OSBP2: variants seen among roughly 807,000 people sequenced by gnomAD.
The protein encoded by OSBP2 is oxysterol binding protein 2.
Under a neutral mutation model 96.0 loss-of-function variants are expected in OSBP2, and 66 were observed. The ratio of observed to expected loss-of-function variants is 0.69; its 90% CI spans 0.56 to 0.84. The LOEUF is 0.84. Ranked by LOEUF, OSBP2 falls within the 40% of genes least tolerant of loss-of-function variation. The pLI is 0.00. For synonymous variants in OSBP2, 525 were observed against 520.9 expected, an observed-to-expected ratio of 1.01 and a Z score of -0.11; for missense variants, 1,038 against 1,222.7, an observed-to-expected ratio of 0.85 and a Z score of 2.25.
chr22:30,828,540 G>A (rs1370416416), intron 2 of OSBP2, among the ~76,000 whole-genome samples: 1 of 152,238 alleles, frequency 6.6e-6, no homozygotes, highest in Non-Finnish European at 1.5e-5. Context: ...CAGAGCTTGA[G>A]GCATGCAGGA....
rs116411881 is a variant in OSBP2 at position 30,849,930 on chromosome 22, G to A, written c.854-20499G>A. On this transcript the variant is annotated intron_variant, in intron 2 of 13. Transcript: ENST00000332585. ...TTGTCAAGGTTACTTTTTGCCATAT[G>A]TATATTTAGTTGTTCAAGTACTATT... 4.8e-3 allele frequency among the ~76,000 whole-genome samples: 727 copies of A among 152,258 alleles called. 7 individuals carry two copies. The highest frequency in any genetic ancestry group is 0.017 in the African/African-American group (702 of 41,554).
At chr22:30,896,047 T>A (rs1280223490) in intron 12 of OSBP2, among the ~76,000 whole-genome samples, 19 of 151,156 alleles carry the variant, frequency 1.3e-4, no homozygotes, top group Non-Finnish European at 8.9e-5. Flanking sequence ...TGAGATGGAG[T>A]CTCACTCTGT....
intron 2 of OSBP2, among the ~76,000 whole-genome samples, chr22:30,863,482 T>A (rs982304577): frequency 1.3e-5 from 2 of 152,184 alleles, no homozygotes; most frequent in African/African-American, 4.8e-5. Flanking sequence ...ATAGCCAGAC[T>A]GTGACAAAAT....
chr22:30,705,303 T>C (rs2089234649), intron 1 of OSBP2, among the ~76,000 whole-genome samples: 1 of 152,032 alleles, frequency 6.6e-6, no homozygotes, highest in African/African-American at 2.4e-5. Context: ...GTTGTTGTTG[T>C]TGTTGTTGAG....
rs994106827 is a variant in OSBP2 at position 30,725,933 on chromosome 22, C to G, written c.645-15228C>G. Among the ~76,000 whole-genome samples, 3 of 152,130 alleles carry G rather than the reference C, an allele frequency of 2.0e-5. No individual in the cohort carries two copies. In the East Asian group the frequency reaches 5.8e-4, roughly 29 times the overall value. ...TAGCTGGGATTACAGGTGTGCACCA[C>G]CACGCCTGGCTGATTTTTGTATTTT... On this transcript the variant is annotated intron_variant, in intron 1 of 13. Transcript: ENST00000332585.
At chr22:30,885,503 G>A (rs2147144078) in intron 3 of OSBP2, among the ~76,000 whole-genome samples, 1 of 152,328 alleles carries the variant, frequency 6.6e-6, no homozygotes, top group East Asian at 1.9e-4. Flanking sequence ...TGTCTCAGTA[G>A]GCCACAAGCT....
At chr22:30,760,935 T>G (rs1220210485) in intron 2 of OSBP2, among the ~76,000 whole-genome samples, 2 of 152,296 alleles carry the variant, frequency 1.3e-5, no homozygotes, top group East Asian at 3.9e-4. Context: ...AATTTAACAT[T>G]ATTCATGGTA....
intron 1 of OSBP2, among the ~76,000 whole-genome samples, chr22:30,703,013 C>T (rs1004365455): frequency 2.0e-5 from 3 of 152,146 alleles, no homozygotes; most frequent in Non-Finnish European, 1.5e-5. Flanking sequence ...TCTTCCATTT[C>T]AAAAACTTGT....
At chr22:30,822,685 G>C (rs2038304760) in intron 2 of OSBP2, 3 of 1,533,748 alleles carry the variant, frequency 2.0e-6, no homozygotes, top group East Asian at 2.4e-5. Flanking sequence ...CTGCAGCTCC[G>C]GCTGCCTGAA....
chr22:30,829,623 AC>A (rs2038481796), intron 2 of OSBP2, among the ~76,000 whole-genome samples: 1 of 152,122 alleles, frequency 6.6e-6, no homozygotes, highest in Non-Finnish European at 1.5e-5. Flanking sequence ...CCGGGCCCTT[AC>A]CTCTACTTAT....
chr22:30,735,896 G>C (rs1323252917), intron 1 of OSBP2, among the ~76,000 whole-genome samples: 1 of 144,098 alleles, frequency 6.9e-6, no homozygotes, highest in Non-Finnish European at 1.5e-5. Context: ...CTAATTTTTG[G>C]TATTTTTAAA....
intron 2 of OSBP2, among the ~76,000 whole-genome samples, chr22:30,858,639 G>GAGGCTGAGGCGGGC (rs1457346607): frequency 6.6e-6 from 1 of 151,422 alleles, no homozygotes; most frequent in East Asian, 2.0e-4. Flanking sequence ...AGTACTTTGG[G>GAGGCTGAGGCGGGC]AGGCTGAGGC....
intron 2 of OSBP2, among the ~76,000 whole-genome samples, chr22:30,835,786 G>A (rs906477812): frequency 5.3e-5 from 8 of 149,732 alleles, no homozygotes; most frequent in Non-Finnish European, 8.9e-5. Context: ...GCATGATCAC[G>A]GCTCATTGCA....
intron 1 of OSBP2, among the ~76,000 whole-genome samples, chr22:30,714,516 A>C (rs1025084278): frequency 1.3e-5 from 2 of 152,158 alleles, no homozygotes; most frequent in Non-Finnish European, 2.9e-5. Flanking sequence ...GCTGTGAAAC[A>C]CATCTCCAAA....
chr22:30,893,597 G>A (rs2040002240), intron 10 of OSBP2, 31 bp downstream of exon 10: 2 of 1,613,048 alleles, frequency 1.2e-6, no homozygotes, highest in Non-Finnish European at 1.7e-6. Flanking sequence ...GGGGGTGCAT[G>A]GCCCGGGGGC....
chr22:30,813,808 C>CT (rs113105003), intron 2 of OSBP2, among the ~76,000 whole-genome samples: 17,557 of 145,582 alleles, frequency 0.12, 2,371 homozygotes, highest in African/African-American at 0.34. Flanking sequence ...GACTTTTTTT[C>CT]TTTTTTTTTT....
intron 2 of OSBP2, among the ~76,000 whole-genome samples, chr22:30,811,547 A>T (rs1003280284): frequency 6.7e-6 from 1 of 149,612 alleles, no homozygotes; most frequent in Non-Finnish European, 1.5e-5. Flanking sequence ...ATATTTATTT[A>T]TTTGTTTGTT....
chr22:30,727,006 G>C (rs2089662797), intron 1 of OSBP2, among the ~76,000 whole-genome samples: 1 of 152,220 alleles, frequency 6.6e-6, no homozygotes, highest in African/African-American at 2.4e-5. Flanking sequence ...AAAAGTCTGT[G>C]TAGCCCAATT....
At chr22:30,791,611 G>A (rs1174664872) in intron 2 of OSBP2, among the ~76,000 whole-genome samples, 2 of 152,182 alleles carry the variant, frequency 1.3e-5, no homozygotes, top group Non-Finnish European at 2.9e-5. Flanking sequence ...ACAGGCGAGA[G>A]CCACCGTGCC....
Sources: gnomAD v4.1 joint callset for allele counts (sites outside exome capture counted in the v4.1 genomes callset) on GRCh38, gnomAD v4.1.1 for gene constraint, MANE v1.5 for transcripts, NCBI Gene and HGNC (gene_info 2026-07-23, HGNC 2026-07-21) for gene names.